MSI1: variants seen among roughly 807,000 people sequenced by gnomAD.
MSI1 encodes the protein RNA-binding protein Musashi homolog 1.
In MSI1, 15 loss-of-function variants were observed where a neutral mutation model predicts 54.4. That is an observed-to-expected ratio of 0.28 (90% CI 0.18 to 0.42). The LOEUF is 0.42. MSI1 is among the 20% of genes least tolerant of loss of function. The probability of loss-of-function intolerance (pLI) is 1.00; values close to 1 mark genes in which losing one functional copy is unlikely to be tolerated. For synonymous variants in MSI1, 200 were observed against 196.5 expected (o/e 1.02, Z -0.15); for missense variants, 304 against 506.0 (o/e 0.60, Z 3.83).
At chr12:120,365,231 A>T (rs1565894467) in intron 4 of MSI1, among the ~76,000 whole-genome samples, 1 of 152,020 alleles carries the variant, frequency 6.6e-6, no homozygotes, top group South Asian at 2.1e-4. Context: ...TTAGACCCTA[A>T]CGTCCCACTG....
chr12:120,366,623 C>A (rs1876035451), intron 4 of MSI1, among the ~76,000 whole-genome samples: 1 of 152,136 alleles, frequency 6.6e-6, no homozygotes, highest in South Asian at 2.1e-4. Flanking sequence ...CAGCTGGCAA[C>A]ATAAATAAAA....
chr12:120,342,893 G>A lies in MSI1; in HGVS notation c.*234C>T, dbSNP rs1873797425. ...AAATAAAAGCAGGGCCGGGAGAGGG[G>A]CGGGTGGGGATGGGGGCAAGGGCGA... On this transcript the variant is annotated 3_prime_UTR_variant, in exon 15 of 15. Coordinates refer to ENST00000257552, the MANE Select transcript of MSI1 (RefSeq NM_002442.4). The A allele has an allele frequency of 6.6e-6, 1 of 150,680 alleles. No individual in the cohort carries two copies. The highest frequency in any genetic ancestry group is 2.4e-5 in the African/African-American group (1 of 40,916). The allele number at this position is 150,680 out of a possible 1,614,324, so 9.3% of individuals were successfully genotyped here.
chr12:120,364,807 G>T, intron 4 of MSI1, 52 bp from the exon 5 acceptor site: 3 of 1,538,066 alleles, frequency 2.0e-6, no homozygotes, highest in Non-Finnish European at 2.6e-6. Flanking sequence ...ATTTTTAGAA[G>T]AGCGACCACA....
chr12:120,361,262 C>A (rs1007036854), intron 6 of MSI1: 6 of 148,786 alleles, frequency 4.0e-5, no homozygotes, highest in African/African-American at 1.6e-4. Context: ...ACACCCTCCC[C>A]CCTAATCCTA....
At chr12:120,352,826 G>A (rs868242921) in intron 10 of MSI1, among the ~76,000 whole-genome samples, 1 of 152,220 alleles carries the variant, frequency 6.6e-6, no homozygotes, top group Middle Eastern at 3.2e-3. Flanking sequence ...TTACAAATGA[G>A]CGTGGTAATG....
At chr12:120,351,999 C>T (rs1283819638) in intron 10 of MSI1, among the ~76,000 whole-genome samples, 6 of 143,180 alleles carry the variant, frequency 4.2e-5, no homozygotes, top group Non-Finnish European at 7.5e-5. Flanking sequence ...TGAACCACCG[C>T]GCCTGGCCCT....
At chr12:120,348,409 G>A (rs1046761504) in intron 11 of MSI1, among the ~76,000 whole-genome samples, 2 of 152,120 alleles carry the variant, frequency 1.3e-5, no homozygotes, top group Non-Finnish European at 2.9e-5. Flanking sequence ...TTCATACAGT[G>A]GGCTCCTTCT....
chr12:120,364,143 C>T lies in MSI1; in HGVS notation c.309+571G>A, dbSNP rs137894023. Among the ~76,000 whole-genome samples the T allele has an allele frequency of 4.1e-3, 629 of 152,340 alleles. 5 individuals are homozygous for T. Among genetic ancestry groups the T allele is most frequent in the African/African-American group, 0.015 (603 of 41,570 alleles). Reference sequence around the variant, plus strand: ...TGTATCACTCAACTGCTCAGAAATCCATTTTCTGCGCACCTTGACCCTCTC... The same window carrying T: ...TGTATCACTCAACTGCTCAGAAATCTATTTTCTGCGCACCTTGACCCTCTC... On this transcript the variant is annotated intron_variant, in intron 5 of 14. Coordinates refer to ENST00000257552, the MANE Select transcript of MSI1 (RefSeq NM_002442.4).
intron 5 of MSI1, among the ~76,000 whole-genome samples, chr12:120,363,483 C>T (rs1592948397): frequency 6.6e-6 from 1 of 151,968 alleles, no homozygotes; most frequent in East Asian, 1.9e-4. Context: ...TCCTGGGAGA[C>T]CCCCCAAGGT....
chr12:120,347,239 C>T (rs189622703), intron 12 of MSI1, among the ~76,000 whole-genome samples: 68 of 152,322 alleles, frequency 4.5e-4, no homozygotes, highest in African/African-American at 1.2e-3. Context: ...CAGGAGCCAC[C>T]GCGCCCAGCC....
intron 6 of MSI1, among the ~76,000 whole-genome samples, 160 bp downstream of exon 6, chr12:120,362,883 G>C (rs1004311804): frequency 6.6e-6 from 1 of 152,198 alleles, no homozygotes; most frequent in East Asian, 1.9e-4. Flanking sequence ...TGAGCCAGGA[G>C]GCTGCAAGGT....
chr12:120,340,512 C>A (rs1384827824), downstream of MSI1, among the ~76,000 whole-genome samples: 2 of 152,068 alleles, frequency 1.3e-5, no homozygotes, highest in African/African-American at 2.4e-5. Context: ...CTCCCTCTCT[C>A]TCTCTTCTTT....
chr12:120,364,769 G>A lies in MSI1; in HGVS notation c.268-14C>T. 1 of 1,598,932 alleles carries A rather than the reference G, an allele frequency of 6.3e-7. No homozygotes were observed. The highest frequency in any genetic ancestry group is 2.3e-5 in the East Asian group (1 of 43,958). The stretch of plus-strand genomic sequence containing the variant: ...CTTAGGGTCAATCTACAAGAAAAGG[G>A]AGAGGTAGAAGGGGTCTTGGTTATC... On this transcript the variant is annotated splice_polypyrimidine_tract_variant and intron_variant, in intron 4 of 14. Transcript: ENST00000257552.
At chr12:120,340,355 A>C (rs561629561), downstream of MSI1, among the ~76,000 whole-genome samples, 41 of 152,326 alleles carry the variant, frequency 2.7e-4, no homozygotes, top group Non-Finnish European at 4.3e-4. Flanking sequence ...AAGTGCTGGG[A>C]GTATAGGCGT....
intron 7 of MSI1, 110 bp downstream of exon 7, chr12:120,358,895 G>C: frequency 7.8e-7 from 1 of 1,278,102 alleles, no homozygotes; most frequent in East Asian, 2.5e-5. Flanking sequence ...AGAGGACGCA[G>C]ATCCTGGGGG....
chr12:120,346,044 C>G, intron 13 of MSI1, 91 bp downstream of exon 13: 2 of 1,189,860 alleles, frequency 1.7e-6, no homozygotes, highest in East Asian at 2.6e-5. Context: ...CCTTTTGCCC[C>G]CAGAGACAAA....
chr12:120,356,745 G>A (rs1259641628), intron 9 of MSI1, among the ~76,000 whole-genome samples, 157 bp downstream of exon 9: 1 of 152,212 alleles, frequency 6.6e-6, no homozygotes, highest in Non-Finnish European at 1.5e-5. Flanking sequence ...CCTTGGGTAG[G>A]ACTGCCAGAC....
chr12:120,355,329 C>T (rs1188743933), intron 9 of MSI1, among the ~76,000 whole-genome samples: 2 of 150,098 alleles, frequency 1.3e-5, no homozygotes, highest in Non-Finnish European at 3.0e-5. Flanking sequence ...GGCGTGAACC[C>T]AGGAGGCGGA....
chr12:120,364,845 C>A, intron 4 of MSI1, 90 bp from the exon 5 acceptor site: 1 of 1,135,334 alleles, frequency 8.8e-7, no homozygotes, highest in Non-Finnish European at 1.3e-6. Context: ...GACCTCTCTC[C>A]TCCCAGGACA....
Sources: gnomAD v4.1 joint callset for allele counts (sites outside exome capture counted in the v4.1 genomes callset) on GRCh38, gnomAD v4.1.1 for gene constraint, MANE v1.5 for transcripts, NCBI Gene and HGNC (gene_info 2026-07-23, HGNC 2026-07-21) for gene names.